RSPO2: variants seen among roughly 807,000 people sequenced by gnomAD.
RSPO2 encodes R-spondin-2.
Under a neutral mutation model 30.9 loss-of-function variants are expected in RSPO2, and 14 were observed. That is an observed-to-expected ratio of 0.45 (90% CI 0.30 to 0.71). The LOEUF (loss-of-function observed/expected upper bound fraction) is 0.71. Ranked by LOEUF, RSPO2 falls within the 30% of genes least tolerant of loss-of-function variation. The pLI is 0.08. For synonymous variants in RSPO2, 107 were observed against 96.4 expected, an observed-to-expected ratio of 1.11 and a Z score of -0.64; for missense variants, 264 against 301.9, an observed-to-expected ratio of 0.87 and a Z score of 0.93.
chr8:108,049,866 A>G (rs1025950983), intron 2 of RSPO2, among the ~76,000 whole-genome samples: 2 of 152,146 alleles, frequency 1.3e-5, no homozygotes, highest in Admixed American at 6.6e-5. Context: ...ATAAACATAC[A>G]ACTGCATGTG....
intron 5 of RSPO2, among the ~76,000 whole-genome samples, chr8:107,914,826 G>A (rs1340353611): frequency 6.6e-6 from 1 of 152,024 alleles, no homozygotes; most frequent in African/African-American, 2.4e-5. Context: ...TGTATTTTAG[G>A]TGCCTTTATG....
intron 3 of RSPO2, among the ~76,000 whole-genome samples, chr8:107,962,473 G>A (rs1272507861): frequency 6.6e-6 from 1 of 152,104 alleles, no homozygotes; most frequent in East Asian, 1.9e-4. Context: ...ATATGTGTGG[G>A]TCAAAGTCCA....
At chr8:107,906,757 C>A (rs1473265913) in intron 5 of RSPO2, among the ~76,000 whole-genome samples, 1 of 151,858 alleles carries the variant, frequency 6.6e-6, no homozygotes, top group Non-Finnish European at 1.5e-5. Context: ...TTCCTACTGT[C>A]CATATAGTTC....
chr8:107,978,026 G>A (rs907875842), intron 3 of RSPO2, among the ~76,000 whole-genome samples: 1 of 151,814 alleles, frequency 6.6e-6, no homozygotes, highest in African/African-American at 2.4e-5. Context: ...TTCTAAACCT[G>A]AACTCCTTTT....
chr8:107,906,129 G>A (rs1459731627), intron 5 of RSPO2, among the ~76,000 whole-genome samples: 1 of 151,798 alleles, frequency 6.6e-6, no homozygotes, highest in African/African-American at 2.4e-5. Context: ...CTGCCAATGT[G>A]TAGAAAAGTA....
At chr8:107,979,540 G>A (rs189267728) in intron 3 of RSPO2, among the ~76,000 whole-genome samples, 5 of 152,278 alleles carry the variant, frequency 3.3e-5, no homozygotes, top group African/African-American at 7.2e-5. Flanking sequence ...GTGGGGTAGC[G>A]GGAAGGGGGA....
Position 107,916,572 on chromosome 8 carries a change from C to T in RSPO2, c.617-15382G>A, listed in dbSNP as rs138920252. The stretch of plus-strand genomic sequence containing the variant: ...TTTTTGGTAAAAGATTATAAGAAGG[C>T]ATGGGAATATGGCTTTTGTTAAAGG... On this transcript the variant is annotated intron_variant, in intron 5 of 5. Coordinates refer to ENST00000276659, the MANE Select transcript of RSPO2 (RefSeq NM_178565.5). Among the ~76,000 whole-genome samples the T allele has an allele frequency of 2.6e-4, 40 of 152,182 alleles. 1 individual carries two copies. In the East Asian group the frequency reaches 7.2e-3, roughly 27 times the overall value.
At chr8:107,940,658 T>C (rs1195125171) in intron 5 of RSPO2, among the ~76,000 whole-genome samples, 2 of 152,138 alleles carry the variant, frequency 1.3e-5, no homozygotes, top group Admixed American at 6.6e-5. Context: ...CTTCCTGAAG[T>C]AGAGTCTAGC....
At chr8:108,070,449 C>T (rs565047458) in intron 2 of RSPO2, among the ~76,000 whole-genome samples, 11 of 151,924 alleles carry the variant, frequency 7.2e-5, no homozygotes, top group Non-Finnish European at 1.5e-4. Context: ...CCCGCCACCG[C>T]GCCCGGCTAA....
chr8:107,969,909 T>C (rs953335109), intron 3 of RSPO2, among the ~76,000 whole-genome samples: 22 of 152,154 alleles, frequency 1.4e-4, no homozygotes, highest in Non-Finnish European at 3.2e-4. Flanking sequence ...TTTAATCAGC[T>C]TCAGACCTGC....
intron 2 of RSPO2, among the ~76,000 whole-genome samples, chr8:108,066,599 G>C (rs62537974): frequency 6.6e-6 from 1 of 151,966 alleles, no homozygotes; most frequent in South Asian, 2.1e-4. Flanking sequence ...AGCTAAACAC[G>C]TATCAACTCT....
At chr8:107,948,710 A>G (rs541882392) in intron 5 of RSPO2, among the ~76,000 whole-genome samples, 1 of 151,994 alleles carries the variant, frequency 6.6e-6, no homozygotes, top group Non-Finnish European at 1.5e-5. Flanking sequence ...ATACAAAAAA[A>G]TTAGCTGGGC....
chr8:108,056,003 C>G (rs552493746), intron 2 of RSPO2, among the ~76,000 whole-genome samples: 1 of 152,172 alleles, frequency 6.6e-6, no homozygotes, highest in Non-Finnish European at 1.5e-5. Flanking sequence ...CATTCACCCT[C>G]TGGTCCCTCA....
intron 2 of RSPO2, among the ~76,000 whole-genome samples, chr8:108,007,752 A>C (rs149790583): frequency 1.2e-4 from 18 of 152,234 alleles, no homozygotes; most frequent in African/African-American, 4.3e-4. Context: ...ATAGCCAGTA[A>C]ATAAAGACTG....
At chr8:107,952,673 C>T (rs1813293620) in intron 5 of RSPO2, among the ~76,000 whole-genome samples, 1 of 152,192 alleles carries the variant, frequency 6.6e-6, no homozygotes, top group Admixed American at 6.5e-5. Context: ...TGACCCTGTC[C>T]CATTGAAAAA....
intron 2 of RSPO2, among the ~76,000 whole-genome samples, chr8:108,008,055 T>C (rs935934156): frequency 6.6e-6 from 1 of 152,142 alleles, no homozygotes; most frequent in African/African-American, 2.4e-5. Flanking sequence ...AGTACACACA[T>C]GCCTGCACAC....
chr8:108,033,296 T>C (rs1176400585), intron 2 of RSPO2, among the ~76,000 whole-genome samples: 1 of 152,122 alleles, frequency 6.6e-6, no homozygotes, highest in African/African-American at 2.4e-5. Context: ...TGAGCGGATA[T>C]TTCTAAAGCT....
At chr8:108,056,924 G>A (rs113644663) in intron 2 of RSPO2, among the ~76,000 whole-genome samples, 4,681 of 150,810 alleles carry the variant, frequency 0.031, 222 homozygotes, top group African/African-American at 0.099. Flanking sequence ...GGGCATGGTG[G>A]CACATGCCCG....
chr8:108,022,921 C>CAAAAA (rs35195076), intron 2 of RSPO2, among the ~76,000 whole-genome samples: 4 of 93,986 alleles, frequency 4.3e-5, no homozygotes, highest in African/African-American at 1.3e-4. Flanking sequence ...ACAAAACTGT[C>CAAAAA]AAAAAAAAAA....
Sources: allele counts gnomAD v4.1 joint callset (sites outside exome capture counted in the v4.1 genomes callset), GRCh38; gene constraint gnomAD v4.1.1; transcripts MANE v1.5; gene names NCBI Gene and HGNC (gene_info 2026-07-23, HGNC 2026-07-21).